Variants in IREB2 observed in about 807,000 individuals in gnomAD.
IREB2 encodes iron-responsive element-binding protein 2.
In IREB2, 39 loss-of-function variants were observed where a neutral mutation model predicts 118.8. The ratio of observed to expected loss-of-function variants is 0.33; its 90% CI spans 0.25 to 0.43. The LOEUF is 0.43. IREB2 is among the 20% of genes least tolerant of loss of function. IREB2 has a pLI of 1.00. For synonymous variants in IREB2, 372 were observed against 392.2 expected (o/e 0.95, Z 0.61); for missense variants, 900 against 1,147.3 (o/e 0.78, Z 3.11).
intron 5 of IREB2, among the ~76,000 whole-genome samples, chr15:78,469,184 T>C (rs1317831176): frequency 6.6e-6 from 1 of 152,108 alleles, no homozygotes; most frequent in Admixed American, 6.6e-5. Context: ...ACTTAAGAAG[T>C]TGAGTAGAAA....
rs1445408578 is a variant in IREB2, at chr15:78,439,896, C to T, written c.106+15C>T. On this transcript the variant is annotated intron_variant, in intron 2 of 21. Transcript: ENST00000258886. ...CACCAAGTATGGTAATGTTGCTTTA[C>T]ATTTTCTTGGGTTTGTTTAGTCTCT... The T allele has an allele frequency of 6.7e-7, 1 of 1,499,644 alleles. No individual in the cohort carries two copies. Among genetic ancestry groups the T allele is most frequent in the Admixed American group, 1.8e-5 (1 of 56,736 alleles). The allele number at this position is 1,499,644 out of a possible 1,614,324, so 92.9% of individuals were successfully genotyped here. A position where few individuals can be genotyped will look rare whatever the true frequency, so the allele number is the denominator to read the frequency against.
intron 14 of IREB2, among the ~76,000 whole-genome samples, 177 bp from the exon 15 acceptor site, chr15:78,488,003 A>G (rs1045945304): frequency 4.6e-5 from 7 of 152,194 alleles, no homozygotes; most frequent in African/African-American, 1.7e-4. Context: ...ATTCCTTCAT[A>G]ATACAAGGAA....
At chr15:78,458,328 G>A (rs1049273410) in intron 2 of IREB2, among the ~76,000 whole-genome samples, 4 of 152,186 alleles carry the variant, frequency 2.6e-5, no homozygotes, top group African/African-American at 9.6e-5. Flanking sequence ...TTCATCAATT[G>A]TAATAAATAT....
intron 20 of IREB2, among the ~76,000 whole-genome samples, chr15:78,496,350 C>T (rs1486738588): frequency 6.6e-6 from 1 of 152,126 alleles, no homozygotes; most frequent in African/African-American, 2.4e-5. Flanking sequence ...TCCCTGCAAC[C>T]TCCACTTACA....
chr15:78,494,004 A>C lies in IREB2; in HGVS notation c.2420A>C (p.Lys807Thr), dbSNP rs2051797718. ...GTFANIKLFN[K>T]FIGKPAPKTI... is the part of the protein sequence containing the mutation. ...TTTGCAAATATCAAGCTTTTTAATA[A>C]GTTTATTGGAAAACCAGCTCCTAAA... Residue 807 changes from lysine to threonine, a missense_variant, in exon 19 of 22, where the codon AAG (lysine) becomes ACG (threonine). By Grantham distance (78) the Lys-to-Thr change is moderately conservative (BLOSUM62 -1). Transcript: ENST00000258886. 3 of 1,614,012 alleles carry C rather than the reference A, an allele frequency of 1.9e-6. No individual in the cohort carries two copies. The African/African-American group carries it at 4.0e-5, about 22-fold the overall frequency.
intron 20 of IREB2, 140 bp downstream of exon 20, chr15:78,494,404 T>C (rs963278872): frequency 2.1e-5 from 17 of 816,622 alleles, no homozygotes; most frequent in Non-Finnish European, 3.3e-5. Flanking sequence ...TGTTTGTTTG[T>C]TTATTTCAGT....
At chr15:78,495,872 G>GA (rs1007078712) in intron 20 of IREB2, among the ~76,000 whole-genome samples, 20 of 152,164 alleles carry the variant, frequency 1.3e-4, no homozygotes, top group Non-Finnish European at 2.2e-4. Flanking sequence ...CAATTTGGGG[G>GA]AAAAAAGTCT....
chr15:78,455,355 G>T (rs574052969), intron 2 of IREB2, among the ~76,000 whole-genome samples: 28 of 152,214 alleles, frequency 1.8e-4, no homozygotes, highest in African/African-American at 6.5e-4. Flanking sequence ...GGGGAGAGTA[G>T]GGAGGAAGAA....
intron 3 of IREB2, among the ~76,000 whole-genome samples, chr15:78,463,767 C>T (rs1437382435): frequency 1.3e-5 from 2 of 152,196 alleles, no homozygotes; most frequent in Non-Finnish European, 1.5e-5. Context: ...CAGCCTCAAC[C>T]TCCTGGGCTC....
At chr15:78,448,601 T>C (rs1037017453) in intron 2 of IREB2, among the ~76,000 whole-genome samples, 1 of 152,254 alleles carries the variant, frequency 6.6e-6, no homozygotes, top group African/African-American at 2.4e-5. Flanking sequence ...CTTACTTGAC[T>C]CTAGTCAGAC....
rs779130497 is a variant in IREB2 at position 78,438,398 on chromosome 15, G to A, written c.19+42G>A. On this transcript the variant is annotated intron_variant, in intron 1 of 21. Coordinates refer to ENST00000258886, the MANE Select transcript of IREB2 (RefSeq NM_004136.4). Reference sequence around the variant, plus strand: ...CGAGCTGGGTCTGGCAGTTGGAAACGCGCGCTGCCTAGGCGCCGAATTCCT... The same window carrying A: ...CGAGCTGGGTCTGGCAGTTGGAAACACGCGCTGCCTAGGCGCCGAATTCCT... The A allele has an allele frequency of 2.5e-6, 4 of 1,585,440 alleles. No homozygotes were observed. In the African/African-American group the frequency reaches 4.0e-5, roughly 16 times the overall value.
Position 78,486,885 on chromosome 15 carries a change from G to A in IREB2, c.1710-848G>A, listed in dbSNP as rs117900587. ...GAGTTTCACTGTGTTGGCCAGGCTC[G>A]TCTCAAACTTGTTCCCTTAAGTGAT... On this transcript the variant is annotated intron_variant, in intron 13 of 21. Transcript: ENST00000258886. Among the ~76,000 whole-genome samples, 558 of 152,152 alleles carry A rather than the reference G, an allele frequency of 3.7e-3. 23 individuals are homozygous for A. The East Asian group carries it at 0.089, about 24-fold the overall frequency.
rs1336134108 is a variant in IREB2 at position 78,438,254 on chromosome 15, G to T, written c.-84G>T. 5 of 1,086,686 alleles carry T rather than the reference G, an allele frequency of 4.6e-6. No homozygotes were observed. The highest frequency in any genetic ancestry group is 6.9e-6 in the Non-Finnish European group (5 of 721,988). The allele number at this position is 1,086,686 out of a possible 1,614,324, so 67.3% of individuals were successfully genotyped here. On this transcript the variant is annotated 5_prime_UTR_variant, in exon 1 of 22. Transcript: ENST00000258886. ...TCTTTCCTCCCTTGCCAGTCCGCCT[G>T]TCTTCCTCCCCGTCTTCCCTGCCCG...
chr15:78,462,282 T>G (rs2051210338), intron 2 of IREB2, among the ~76,000 whole-genome samples: 1 of 152,198 alleles, frequency 6.6e-6, no homozygotes, highest in Non-Finnish European at 1.5e-5. Context: ...AACCCCATAT[T>G]AATTCAGTCT....
rs749145220 is a variant in IREB2 at position 78,470,116 on chromosome 15, G to A, written c.630-416G>A. 2.6e-5 allele frequency among the ~76,000 whole-genome samples: 4 copies of A among 152,146 alleles called. 1 individual carries two copies. The South Asian group carries it at 6.2e-4, about 24-fold the overall frequency. ...GTAAAATGATGTTGAGATGTTGTTC[G>A]TCAATGCTGCATAGAAATAATCAGC... On this transcript the variant is annotated intron_variant, in intron 5 of 21. Transcript: ENST00000258886.
chr15:78,451,684 A>G (rs1403014536), intron 2 of IREB2, among the ~76,000 whole-genome samples: 1 of 151,824 alleles, frequency 6.6e-6, no homozygotes. Context: ...AGCACTCTGG[A>G]TTTTTTTCTT....
chr15:78,451,659 G>A (rs532705236), intron 2 of IREB2, among the ~76,000 whole-genome samples: 2 of 152,202 alleles, frequency 1.3e-5, no homozygotes, highest in Non-Finnish European at 2.9e-5. Flanking sequence ...GACGCTCAAA[G>A]GAAATGCTCA....
intron 21 of IREB2, among the ~76,000 whole-genome samples, 191 bp downstream of exon 21, chr15:78,497,502 G>T (rs543453149): frequency 6.6e-6 from 1 of 152,140 alleles, no homozygotes; most frequent in Non-Finnish European, 1.5e-5. Context: ...AAAGTGGAAA[G>T]AACTGGGTGC....
At chr15:78,479,625 A>T (rs532004149) in intron 10 of IREB2, among the ~76,000 whole-genome samples, 2 of 152,168 alleles carry the variant, frequency 1.3e-5, no homozygotes, top group Non-Finnish European at 2.9e-5. Flanking sequence ...TAAGAGTAAT[A>T]TCTCCCTTCA....
Sources: gnomAD v4.1 joint callset for allele counts (sites outside exome capture counted in the v4.1 genomes callset) on GRCh38, gnomAD v4.1.1 for gene constraint, MANE v1.5 for transcripts, NCBI Gene and HGNC (gene_info 2026-07-23, HGNC 2026-07-21) for gene names.